The following TGFA variants were observed in gnomAD, a reference collection of about 807,000 sequenced individuals.
TGFA encodes protransforming growth factor alpha.
TGFA carries 12 observed loss-of-function variants against 21.7 expected under a neutral mutation model. The ratio of observed to expected loss-of-function variants is 0.55; its 90% CI spans 0.35 to 0.90. The LOEUF is 0.90. Among genes scored for constraint, TGFA ranks in the 40% least tolerant of loss-of-function variants. The probability of loss-of-function intolerance (pLI) is 0.01; values close to 1 mark genes in which losing one functional copy is unlikely to be tolerated. For synonymous variants in TGFA, 79 were observed against 88.1 expected, an observed-to-expected ratio of 0.90 and a Z score of 0.58; for missense variants, 178 against 210.8, an observed-to-expected ratio of 0.84 and a Z score of 0.96.
chr2:70,534,814 G>A (rs1672923675), intron 1 of TGFA, among the ~76,000 whole-genome samples: 1 of 152,166 alleles, frequency 6.6e-6, no homozygotes, highest in Non-Finnish European at 1.5e-5. Flanking sequence ...CTGTCTGAAA[G>A]TCTGGCTGCA....
chr2:70,522,841 T>A (rs1672514257), intron 1 of TGFA, among the ~76,000 whole-genome samples: 1 of 152,162 alleles, frequency 6.6e-6, no homozygotes, highest in South Asian at 2.1e-4. Context: ...CAACAAGTGC[T>A]CACTGAGCAC....
chr2:70,462,828 G>A (rs1182848661), intron 3 of TGFA, among the ~76,000 whole-genome samples: 1 of 152,184 alleles, frequency 6.6e-6, no homozygotes, highest in African/African-American at 2.4e-5. Flanking sequence ...CCTCCCCCAA[G>A]ATGGTCAGCT....
At chr2:70,492,323 A>G (rs868949602) in intron 2 of TGFA, among the ~76,000 whole-genome samples, 12 of 151,970 alleles carry the variant, frequency 7.9e-5, no homozygotes, top group Non-Finnish European at 1.6e-4. Flanking sequence ...AGAGGAGAGG[A>G]CTCTAGAGCA....
chr2:70,504,001 C>T (rs1336120947), intron 2 of TGFA, among the ~76,000 whole-genome samples: 4 of 152,168 alleles, frequency 2.6e-5, no homozygotes, highest in Non-Finnish European at 4.4e-5. Context: ...CGAAAAGACT[C>T]TTTTAGGAAA....
chr2:70,459,217 CA>C lies in TGFA; in HGVS notation c.216-2730del, dbSNP rs573217722. 1.6e-3 allele frequency among the ~76,000 whole-genome samples: 240 copies of C among 152,290 alleles called. 2 individuals carry two copies. The highest frequency in any genetic ancestry group is 5.1e-3 in the African/African-American group (211 of 41,540). On this transcript the variant is annotated intron_variant, in intron 3 of 5. Transcript: ENST00000295400. ...CTAAAAACACTGCGATTTAACACATCAATACTGGAGACCCCAATACATTTCA... is the reference window on the plus strand; with the variant it reads ...CTAAAAACACTGCGATTTAACACATCATACTGGAGACCCCAATACATTTCA...
At chr2:70,514,170 C>G (rs1195006933) in intron 2 of TGFA, among the ~76,000 whole-genome samples, 1 of 152,190 alleles carries the variant, frequency 6.6e-6, no homozygotes, top group East Asian at 1.9e-4. Flanking sequence ...GATTTCAAGA[C>G]TTTCCAGCAA....
chr2:70,548,724 C>T (rs1183984154), intron 1 of TGFA, among the ~76,000 whole-genome samples: 1 of 152,164 alleles, frequency 6.6e-6, no homozygotes, highest in East Asian at 1.9e-4. Context: ...TTTTTCTAAG[C>T]CCAGGTAGCA....
intron 2 of TGFA, among the ~76,000 whole-genome samples, chr2:70,504,447 TATATATATATATATATAC>T (rs200733143): frequency 0.12 from 9,953 of 81,932 alleles, 1,044 homozygotes; most frequent in African/African-American, 0.33. Flanking sequence ...TATATATATA[TATATATATATATATATAC>T]ACACATACAT....
chr2:70,459,419 G>A (rs564487193), intron 3 of TGFA, among the ~76,000 whole-genome samples: 1 of 152,298 alleles, frequency 6.6e-6, no homozygotes, highest in African/African-American at 2.4e-5. Context: ...GCTTCTAGAG[G>A]TTTGGGAACT....
intron 2 of TGFA, among the ~76,000 whole-genome samples, chr2:70,510,024 T>G (rs1672044068): frequency 6.6e-6 from 1 of 152,192 alleles, no homozygotes; most frequent in East Asian, 1.9e-4. Flanking sequence ...CTTTACAAAT[T>G]GACAACCAAC....
intron 2 of TGFA, among the ~76,000 whole-genome samples, chr2:70,499,265 G>A (rs1171651683): frequency 6.6e-6 from 1 of 152,208 alleles, no homozygotes; most frequent in African/African-American, 2.4e-5. Flanking sequence ...ATGGCCATAT[G>A]AGTTGTTTCA....
chr2:70,537,960 C>G (rs1454835718), intron 1 of TGFA, among the ~76,000 whole-genome samples: 2 of 152,170 alleles, frequency 1.3e-5, no homozygotes, highest in Non-Finnish European at 2.9e-5. Context: ...TTAAAAGCTT[C>G]AAAAGACAGG....
chr2:70,504,447 T>TATACATAC (rs1198833052), intron 2 of TGFA, among the ~76,000 whole-genome samples: 1 of 82,096 alleles, frequency 1.2e-5, no homozygotes, highest in Non-Finnish European at 2.6e-5. Context: ...TATATATATA[T>TATACATAC]ATATATATAT....
intron 2 of TGFA, among the ~76,000 whole-genome samples, chr2:70,483,157 T>C (rs1553496016): frequency 6.6e-6 from 1 of 152,232 alleles, no homozygotes; most frequent in Non-Finnish European, 1.5e-5. Flanking sequence ...TATACAGCCT[T>C]ATGCTGGTGG....
chr2:70,528,855 C>T (rs554479473), intron 1 of TGFA, among the ~76,000 whole-genome samples: 13 of 152,304 alleles, frequency 8.5e-5, no homozygotes, highest in Admixed American at 7.2e-4. Context: ...GTATCAGACA[C>T]GGCCTTTATC....
chr2:70,547,430 C>T (rs1391057047), intron 1 of TGFA, among the ~76,000 whole-genome samples: 2 of 151,508 alleles, frequency 1.3e-5, no homozygotes, highest in South Asian at 2.1e-4. Context: ...CCTGTCTCTA[C>T]TAAAAACACA....
intron 1 of TGFA, among the ~76,000 whole-genome samples, chr2:70,526,464 G>C (rs114448165): frequency 6.6e-6 from 1 of 152,126 alleles, no homozygotes; most frequent in Non-Finnish European, 1.5e-5. Context: ...TACCAGCCAC[G>C]TGTAGCAAAG....
At chr2:70,532,976 C>T (rs1672858723) in intron 1 of TGFA, among the ~76,000 whole-genome samples, 1 of 151,872 alleles carries the variant, frequency 6.6e-6, no homozygotes, top group Non-Finnish European at 1.5e-5. Context: ...ACTCTCTCAC[C>T]TCAGTCTCCC....
At chr2:70,553,289 G>A in intron 1 of TGFA, 1 of 1,533,642 alleles carries the variant, frequency 6.5e-7, no homozygotes, top group South Asian at 1.2e-5. Context: ...TGCCAAAGGG[G>A]CGCAGGCAAG....
Sources: allele counts gnomAD v4.1 joint callset (sites outside exome capture counted in the v4.1 genomes callset), GRCh38; gene constraint gnomAD v4.1.1; transcripts MANE v1.5; gene names NCBI Gene and HGNC (gene_info 2026-07-23, HGNC 2026-07-21).